Variants in LAMA2 observed in about 807,000 individuals in gnomAD.
LAMA2 encodes the protein laminin subunit alpha-2.
Under a neutral mutation model 364.8 loss-of-function variants are expected in LAMA2, and 269 were observed. The ratio of observed to expected loss-of-function variants is 0.74; its 90% CI spans 0.67 to 0.82. The LOEUF is 0.82. Ranked by LOEUF, LAMA2 falls within the 40% of genes least tolerant of loss-of-function variation. LAMA2 has a pLI of 0.00. For missense variants in LAMA2, 3,807 were observed against 3,873.2 expected, an observed-to-expected ratio of 0.98 and a Z score of 0.45; for synonymous variants, 1,379 against 1,370.6, an observed-to-expected ratio of 1.01 and a Z score of -0.14.
At chr6:129,197,000 T>C (rs1265132845) in intron 12 of LAMA2, among the ~76,000 whole-genome samples, 1 of 152,156 alleles carries the variant, frequency 6.6e-6, no homozygotes. Context: ...CTGCTCCCTT[T>C]GGAGTTTAGA....
At position 129,454,150 on chromosome 6, in the gene LAMA2, A is replaced by G. The variant is rs1173814440; in HGVS notation, c.6574-5A>G. 1 of 1,611,534 alleles carries G rather than the reference A, an allele frequency of 6.2e-7. No individual in the cohort carries two copies. Among genetic ancestry groups the G allele is most frequent in the East Asian group, 2.2e-5 (1 of 44,786 alleles). ...ATCTCTTGTTTTTGTATTTCTCTGA[A>G]CTAGATTGACTTTCTGGCTATAGAA... is the stretch of plus-strand genomic sequence containing the variant. On this transcript the variant is annotated splice_region_variant and splice_polypyrimidine_tract_variant and intron_variant, in intron 46 of 64. Coordinates refer to ENST00000421865, the MANE Select transcript of LAMA2 (RefSeq NM_000426.4).
chr6:128,932,755 C>T (rs747812880), intron 1 of LAMA2, among the ~76,000 whole-genome samples: 2 of 152,124 alleles, frequency 1.3e-5, no homozygotes, highest in South Asian at 2.1e-4. Flanking sequence ...ATTTAATATA[C>T]ATATACATTG....
Position 129,419,781 on chromosome 6 carries a change from A to G in LAMA2, c.5866-7971A>G, listed in dbSNP as rs530241223. On this transcript the variant is annotated intron_variant, in intron 40 of 64. Coordinates refer to ENST00000421865, the MANE Select transcript of LAMA2 (RefSeq NM_000426.4). ...TGACAGATACTCATCTGACCCATCT[A>G]CCACCCTTAGGGTATGCTATGCGAT... Among the ~76,000 whole-genome samples, 5 of 152,070 alleles carry G rather than the reference A, an allele frequency of 3.3e-5. No individual in the cohort carries two copies. The East Asian group carries it at 9.7e-4, about 29-fold the overall frequency.
chr6:129,033,561 C>T (rs1383945226), intron 1 of LAMA2, among the ~76,000 whole-genome samples: 1 of 152,042 alleles, frequency 6.6e-6, no homozygotes, highest in African/African-American at 2.4e-5. Context: ...AGACAAAGCC[C>T]TAAATTTTTT....
At chr6:129,195,318 G>A (rs996557612) in intron 12 of LAMA2, among the ~76,000 whole-genome samples, 7 of 152,126 alleles carry the variant, frequency 4.6e-5, no homozygotes, top group Non-Finnish European at 8.8e-5. Flanking sequence ...GCTCACATGG[G>A]ACACATTTTT....
chr6:129,440,489 C>T (rs191772818), intron 42 of LAMA2, among the ~76,000 whole-genome samples: 2 of 152,010 alleles, frequency 1.3e-5, no homozygotes, highest in Non-Finnish European at 2.9e-5. Flanking sequence ...TCTTAAGCCT[C>T]GTTTTCATGA....
intron 1 of LAMA2, among the ~76,000 whole-genome samples, chr6:129,008,624 T>A (rs1784573963): frequency 6.6e-6 from 1 of 152,188 alleles, no homozygotes; most frequent in South Asian, 2.1e-4. Flanking sequence ...ATTTTTGATC[T>A]TTATTAAACA....
intron 5 of LAMA2, among the ~76,000 whole-genome samples, 181 bp downstream of exon 5, chr6:129,144,261 A>G (rs1478908557): frequency 6.6e-6 from 1 of 151,960 alleles, no homozygotes; most frequent in Non-Finnish European, 1.5e-5. Flanking sequence ...TCCTTTGTTC[A>G]GATCCAAGCT....
At chr6:128,916,151 T>C (rs1420555684) in intron 1 of LAMA2, among the ~76,000 whole-genome samples, 3 of 152,170 alleles carry the variant, frequency 2.0e-5, no homozygotes, top group Non-Finnish European at 2.9e-5. Flanking sequence ...CTGCATTTCA[T>C]GGCAATTTTC....
At chr6:129,202,464 C>A (rs549763959) in intron 12 of LAMA2, among the ~76,000 whole-genome samples, 3 of 152,006 alleles carry the variant, frequency 2.0e-5, no homozygotes, top group Non-Finnish European at 4.4e-5. Context: ...CTTTCCTTTA[C>A]GTGAAGGGGC....
At chr6:129,103,489 A>C (rs1489564119) in intron 4 of LAMA2, among the ~76,000 whole-genome samples, 1 of 152,122 alleles carries the variant, frequency 6.6e-6, no homozygotes. Flanking sequence ...TCATTTTACC[A>C]ATTTCATTTT....
chr6:129,448,385 A>T (rs972750309), intron 45 of LAMA2, among the ~76,000 whole-genome samples: 1 of 152,248 alleles, frequency 6.6e-6, no homozygotes, highest in Non-Finnish European at 1.5e-5. Flanking sequence ...TCAGTTTTGG[A>T]AATGGAATTA....
At chr6:129,106,962 G>T (rs916745269) in intron 4 of LAMA2, among the ~76,000 whole-genome samples, 3 of 151,534 alleles carry the variant, frequency 2.0e-5, no homozygotes, top group Non-Finnish European at 4.4e-5. Context: ...GATGGCCAGA[G>T]AAACTGAATG....
chr6:129,124,264 C>T (rs1381540268), intron 4 of LAMA2, among the ~76,000 whole-genome samples: 3 of 152,144 alleles, frequency 2.0e-5, no homozygotes, highest in African/African-American at 7.2e-5. Context: ...ATCTTTGTTC[C>T]AGACGATCTT....
intron 3 of LAMA2, among the ~76,000 whole-genome samples, chr6:129,085,322 G>T (rs1774311412): frequency 6.6e-6 from 1 of 152,138 alleles, no homozygotes; most frequent in Non-Finnish European, 1.5e-5. Context: ...AGGACACATG[G>T]CATTACAGAA....
intron 10 of LAMA2, among the ~76,000 whole-genome samples, chr6:129,180,048 ATTTAAATACT>A (rs1780839775): frequency 5.0e-5 from 5 of 99,986 alleles, no homozygotes; most frequent in Admixed American, 3.4e-4. Context: ...AGTGTAGTGT[ATTTAAATACT>A]GAAAAGACAC....
chr6:128,904,349 A>G lies in LAMA2; in HGVS notation c.112+20992A>G, dbSNP rs566215028. 7.2e-5 allele frequency among the ~76,000 whole-genome samples: 11 copies of G among 152,194 alleles called. No individual in the cohort carries two copies. In the South Asian group the frequency reaches 1.0e-3, roughly 14 times the overall value. The stretch of plus-strand genomic sequence containing the variant: ...TTTTAATAAGCATTTTTAATTCTAC[A>G]ATAATGTGATTCAGAGAATTTTTTT... On this transcript the variant is annotated intron_variant, in intron 1 of 64. Transcript: ENST00000421865.
intron 34 of LAMA2, among the ~76,000 whole-genome samples, chr6:129,375,474 T>C (rs747537607): frequency 1.3e-5 from 2 of 152,234 alleles, no homozygotes; most frequent in Non-Finnish European, 2.9e-5. Flanking sequence ...TGAAACTGTT[T>C]TTATAAGATA....
chr6:129,062,912 G>GTTTTT (rs368817743), intron 3 of LAMA2, among the ~76,000 whole-genome samples: 2,694 of 129,880 alleles, frequency 0.021, 39 homozygotes, highest in Non-Finnish European at 0.028. Flanking sequence ...ATTACAGTGG[G>GTTTTT]TTTTTTTTTT....
Sources: gnomAD v4.1 joint callset for allele counts (sites outside exome capture counted in the v4.1 genomes callset) on GRCh38, gnomAD v4.1.1 for gene constraint, MANE v1.5 for transcripts, NCBI Gene and HGNC (gene_info 2026-07-23, HGNC 2026-07-21) for gene names.